SCHIP1: variants seen among roughly 807,000 people sequenced by gnomAD.
SCHIP1 encodes the protein schwannomin interacting protein 1.
Under a neutral mutation model 29.7 loss-of-function variants are expected in SCHIP1, and 8 were observed. The observed-to-expected ratio is 0.27, with a 90% CI of 0.16 to 0.49. The LOEUF (loss-of-function observed/expected upper bound fraction) is 0.49. Among genes scored for constraint, SCHIP1 ranks in the 20% least tolerant of loss-of-function variants. The pLI is 0.99. For synonymous variants in SCHIP1, 76 were observed against 94.9 expected (o/e 0.80, Z 1.16); for missense variants, 193 against 294.6 (o/e 0.66, Z 2.52).
At chr3:159,358,789 T>C in the SCHIP1 span, among the ~76,000 whole-genome samples, 36 of 151,732 alleles carry the variant, frequency 2.4e-4, no homozygotes, top group African/African-American at 8.5e-4. Flanking sequence ...ACCTAGAAAA[T>C]AGGTGAGATG....
the SCHIP1 span, among the ~76,000 whole-genome samples, chr3:159,384,330 T>G: frequency 6.6e-6 from 1 of 152,060 alleles, no homozygotes; most frequent in Non-Finnish European, 1.5e-5. Context: ...CGTTGTTGAA[T>G]TTTGTCAAAG....
At chr3:159,448,462 T>C in the SCHIP1 span, among the ~76,000 whole-genome samples, 9 of 152,224 alleles carry the variant, frequency 5.9e-5, no homozygotes, top group Non-Finnish European at 1.3e-4. Flanking sequence ...AGAGTGAGAC[T>C]CTGTCTCAAA....
the SCHIP1 span, among the ~76,000 whole-genome samples, chr3:159,527,336 T>C: frequency 5.3e-5 from 8 of 152,198 alleles, no homozygotes; most frequent in African/African-American, 1.9e-4. Context: ...AGGGCCTCTG[T>C]CAGGACAACA....
At chr3:159,742,756 C>T in the SCHIP1 span, among the ~76,000 whole-genome samples, 1 of 151,944 alleles carries the variant, frequency 6.6e-6, no homozygotes, top group Non-Finnish European at 1.5e-5. Context: ...CAACCTCCAC[C>T]TCCCGGGTTC....
chr3:159,592,003 G>C, the SCHIP1 span, among the ~76,000 whole-genome samples: 3 of 149,092 alleles, frequency 2.0e-5, no homozygotes, highest in African/African-American at 5.0e-5. Flanking sequence ...AAAAAAAAAA[G>C]AAAGAAAGAA....
At chr3:159,625,100 T>C in the SCHIP1 span, among the ~76,000 whole-genome samples, 2 of 152,164 alleles carry the variant, frequency 1.3e-5, no homozygotes, top group Admixed American at 1.3e-4. Context: ...CTCAATCACC[T>C]TTGCCTTGGG....
At chr3:159,376,610 A>G in the SCHIP1 span, among the ~76,000 whole-genome samples, 8 of 152,240 alleles carry the variant, frequency 5.3e-5, no homozygotes, top group African/African-American at 1.9e-4. Context: ...TTTACTTTGA[A>G]CCTCAGTATC....
At chr3:159,398,352 C>T in the SCHIP1 span, among the ~76,000 whole-genome samples, 6 of 152,144 alleles carry the variant, frequency 3.9e-5, no homozygotes, top group Non-Finnish European at 7.4e-5. Flanking sequence ...GCTCCTCCCC[C>T]TCGCCAGCAC....
chr3:159,623,186 CA>C, the SCHIP1 span, among the ~76,000 whole-genome samples: 1 of 151,566 alleles, frequency 6.6e-6, no homozygotes, highest in African/African-American at 2.4e-5. Context: ...AAGTAAACTG[CA>C]AAATTGTATT....
chr3:159,563,158 A>G, the SCHIP1 span, among the ~76,000 whole-genome samples: 1 of 152,182 alleles, frequency 6.6e-6, no homozygotes. Flanking sequence ...CCTGGCAGCA[A>G]GTTGGAGTTG....
At chr3:159,789,736 C>G in the SCHIP1 span, among the ~76,000 whole-genome samples, 1 of 152,074 alleles carries the variant, frequency 6.6e-6, no homozygotes, top group Non-Finnish European at 1.5e-5. Context: ...GCCTCGTGGC[C>G]CAGAAACTGA....
chr3:159,607,251 G>C, the SCHIP1 span, among the ~76,000 whole-genome samples: 1 of 152,072 alleles, frequency 6.6e-6, no homozygotes, highest in Non-Finnish European at 1.5e-5. Flanking sequence ...ACTACCATTA[G>C]TCATTCAGTT....
chr3:159,507,027 G>A, the SCHIP1 span, among the ~76,000 whole-genome samples: 2 of 152,154 alleles, frequency 1.3e-5, no homozygotes, highest in African/African-American at 2.4e-5. Context: ...GCTTGATGAG[G>A]ATGGCATTGA....
At chr3:159,525,759 C>T in the SCHIP1 span, among the ~76,000 whole-genome samples, 1 of 152,214 alleles carries the variant, frequency 6.6e-6, no homozygotes, top group Admixed American at 6.5e-5. Context: ...TCATTAAAGT[C>T]AGTCCAGATT....
At chr3:159,679,585 C>A in the SCHIP1 span, among the ~76,000 whole-genome samples, 1 of 152,134 alleles carries the variant, frequency 6.6e-6, no homozygotes, top group East Asian at 1.9e-4. Flanking sequence ...GTATCATCCT[C>A]GAGTCTTATC....
the SCHIP1 span, among the ~76,000 whole-genome samples, chr3:159,542,569 G>A: frequency 6.6e-6 from 1 of 151,972 alleles, no homozygotes; most frequent in African/African-American, 2.4e-5. Flanking sequence ...ATTGCTGAGC[G>A]GTATTCCATT....
chr3:159,550,752 A>G, the SCHIP1 span, among the ~76,000 whole-genome samples: 1 of 152,126 alleles, frequency 6.6e-6, no homozygotes, highest in Non-Finnish European at 1.5e-5. Flanking sequence ...TTTAGGGTGA[A>G]CTATAAATAA....
chr3:159,318,623 G>A, the SCHIP1 span, among the ~76,000 whole-genome samples: 12 of 152,296 alleles, frequency 7.9e-5, no homozygotes, highest in Middle Eastern at 3.4e-3. Flanking sequence ...TGATAATAGG[G>A]AACTCCCCCT....
the SCHIP1 span, among the ~76,000 whole-genome samples, chr3:159,828,855 A>G: frequency 6.6e-6 from 1 of 152,216 alleles, no homozygotes; most frequent in African/African-American, 2.4e-5. Flanking sequence ...ATTCCCCTAC[A>G]CACATACACG....
Sources: gnomAD v4.1 joint callset for allele counts (sites outside exome capture counted in the v4.1 genomes callset) on GRCh38, gnomAD v4.1.1 for gene constraint, MANE v1.5 for transcripts, NCBI Gene and HGNC (gene_info 2026-07-23, HGNC 2026-07-21) for gene names.